Variants in LEF1 observed in about 807,000 individuals in gnomAD.
LEF1 encodes lymphoid enhancer binding factor 1, also known as lymphoid enhancer-binding factor 1.
Under a neutral mutation model 51.2 loss-of-function variants are expected in LEF1, and 14 were observed. That is an observed-to-expected ratio of 0.27 (90% CI 0.18 to 0.43). LEF1 has a LOEUF of 0.43. LEF1 is among the 20% of genes least tolerant of loss of function. The pLI is 1.00. For missense variants in LEF1, 386 were observed against 512.0 expected (o/e 0.75, Z 2.37); for synonymous variants, 185 against 183.2 (o/e 1.01, Z -0.08).
At chr4:108,101,089 G>A (rs150105718) in intron 3 of LEF1, among the ~76,000 whole-genome samples, 1 of 152,276 alleles carries the variant, frequency 6.6e-6, no homozygotes, top group Non-Finnish European at 1.5e-5. Context: ...GATACAAGGA[G>A]GAACTTTACT....
intron 3 of LEF1, among the ~76,000 whole-genome samples, chr4:108,135,374 C>T (rs1039155642): frequency 6.6e-6 from 1 of 152,056 alleles, no homozygotes; most frequent in African/African-American, 2.4e-5. Flanking sequence ...CCAGCAGGCA[C>T]GGAGAATTAA....
chr4:108,052,272 TTA>T (rs1241181755), intron 11 of LEF1, among the ~76,000 whole-genome samples: 1 of 152,220 alleles, frequency 6.6e-6, no homozygotes, highest in African/African-American at 2.4e-5. Context: ...TATCACTTCC[TTA>T]TTCAGAATTG....
intron 3 of LEF1, among the ~76,000 whole-genome samples, chr4:108,135,649 A>G (rs1477063668): frequency 6.6e-6 from 1 of 152,158 alleles, no homozygotes; most frequent in African/African-American, 2.4e-5. Flanking sequence ...TGCTTTGTCT[A>G]TGGAGAGCCT....
intron 9 of LEF1, among the ~76,000 whole-genome samples, chr4:108,069,901 T>C (rs1002503492): frequency 1.3e-5 from 2 of 149,742 alleles, no homozygotes; most frequent in African/African-American, 4.9e-5. Context: ...GAGGTTGCAG[T>C]GAGCCAAGAT....
At chr4:108,151,101 C>T (rs952566577) in intron 3 of LEF1, among the ~76,000 whole-genome samples, 1 of 152,124 alleles carries the variant, frequency 6.6e-6, no homozygotes, top group Non-Finnish European at 1.5e-5. Flanking sequence ...AACAATGATT[C>T]CTAAGCTAAA....
At chr4:108,154,138 T>C (rs1020629941) in intron 3 of LEF1, among the ~76,000 whole-genome samples, 1 of 152,302 alleles carries the variant, frequency 6.6e-6, no homozygotes. Flanking sequence ...TGGTTAAGCA[T>C]TTTTGAAATT....
intron 3 of LEF1, among the ~76,000 whole-genome samples, chr4:108,098,954 C>G (rs558478153): frequency 9.3e-4 from 141 of 152,198 alleles, no homozygotes; most frequent in African/African-American, 3.2e-3. Flanking sequence ...TATTCTATAG[C>G]GTTGTAGAGT....
chr4:108,060,657 C>T (rs905600464), intron 11 of LEF1, among the ~76,000 whole-genome samples: 11 of 152,082 alleles, frequency 7.2e-5, no homozygotes, highest in Admixed American at 5.9e-4. Flanking sequence ...GCCACCTCCT[C>T]GGAGGTGCCT....
intron 3 of LEF1, among the ~76,000 whole-genome samples, chr4:108,142,173 C>T (rs888934363): frequency 1.3e-5 from 2 of 152,200 alleles, no homozygotes; most frequent in Non-Finnish European, 2.9e-5. Flanking sequence ...GCAAGGTGAA[C>T]GGGTGCAGCT....
In LEF1 at chr4:108,153,268, G is replaced by A. The variant is rs142090443; in HGVS notation, c.414+10300C>T. ...GGTCTCATCTCCAGTTCTACAGGATGTGAGCACCCTGCCTCTGCAAAAGAG... is the reference window on the plus strand; with the variant it reads ...GGTCTCATCTCCAGTTCTACAGGATATGAGCACCCTGCCTCTGCAAAAGAG... On this transcript the variant is annotated intron_variant, in intron 3 of 11. Transcript: ENST00000265165. 1.6e-4 allele frequency among the ~76,000 whole-genome samples: 25 copies of A among 152,344 alleles called. No individual in the cohort carries two copies. The East Asian group carries it at 4.8e-3, about 29-fold the overall frequency.
At chr4:108,144,190 C>T (rs192623683) in intron 3 of LEF1, among the ~76,000 whole-genome samples, 69 of 152,184 alleles carry the variant, frequency 4.5e-4, no homozygotes, top group East Asian at 5.8e-4. Context: ...TTTAAATAAC[C>T]AGATTCCATG....
chr4:108,129,228 T>G (rs1054444756), intron 3 of LEF1, among the ~76,000 whole-genome samples: 7 of 152,204 alleles, frequency 4.6e-5, no homozygotes, highest in Admixed American at 1.3e-4. Flanking sequence ...GGAGCTCTGG[T>G]CAACTCCACA....
chr4:108,080,296 G>GA (rs2126287937), intron 6 of LEF1, among the ~76,000 whole-genome samples: 1 of 152,176 alleles, frequency 6.6e-6, no homozygotes, highest in Admixed American at 6.5e-5. Context: ...ACAAAGGAGG[G>GA]AAACTGCCAG....
At chr4:108,069,991 C>T (rs1578303418) in intron 9 of LEF1, among the ~76,000 whole-genome samples, 1 of 148,860 alleles carries the variant, frequency 6.7e-6, no homozygotes, top group Non-Finnish European at 1.5e-5. Flanking sequence ...AACTTTAAAA[C>T]ATTTATATCC....
At chr4:108,088,717 T>C (rs535448251) in intron 4 of LEF1, among the ~76,000 whole-genome samples, 1 of 150,948 alleles carries the variant, frequency 6.6e-6, no homozygotes, top group East Asian at 2.0e-4. Context: ...AGGGATATAA[T>C]GGAATAACCA....
chr4:108,076,500 C>T (rs558948057), intron 8 of LEF1, among the ~76,000 whole-genome samples: 7 of 152,170 alleles, frequency 4.6e-5, no homozygotes, highest in African/African-American at 1.7e-4. Context: ...CTCAGCCTCC[C>T]GAGTAGCTGA....
intron 3 of LEF1, among the ~76,000 whole-genome samples, chr4:108,147,791 A>AT (rs1040078728): frequency 1.3e-5 from 2 of 152,302 alleles, no homozygotes; most frequent in Admixed American, 1.3e-4. Context: ...GATGCCAGAA[A>AT]TTTTTTTAAA....
At chr4:108,124,727 A>G (rs79901457) in intron 3 of LEF1, among the ~76,000 whole-genome samples, 3,999 of 152,266 alleles carry the variant, frequency 0.026, 160 homozygotes, top group African/African-American at 0.091. Flanking sequence ...AAAAGTCTTA[A>G]TTTTGGTCAG....
chr4:108,133,067 A>G (rs1295128763), intron 3 of LEF1, among the ~76,000 whole-genome samples: 1 of 151,862 alleles, frequency 6.6e-6, no homozygotes, highest in Non-Finnish European at 1.5e-5. Context: ...TCCACCTCCC[A>G]GGTTCAAGCG....
Sources: allele counts gnomAD v4.1 joint callset (sites outside exome capture counted in the v4.1 genomes callset), GRCh38; gene constraint gnomAD v4.1.1; transcripts MANE v1.5; gene names NCBI Gene and HGNC (gene_info 2026-07-23, HGNC 2026-07-21).